The following CSMD1 variants were observed in gnomAD, a reference collection of about 807,000 sequenced individuals.
CSMD1 encodes CUB and Sushi multiple domains 1, also known as CUB and sushi domain-containing protein 1.
CSMD1 carries 213 observed loss-of-function variants against 417.5 expected under a neutral mutation model. The ratio of observed to expected loss-of-function variants is 0.51; its 90% CI spans 0.46 to 0.57. The LOEUF is 0.57. CSMD1 is among the 20% of genes least tolerant of loss of function. The probability of loss-of-function intolerance (pLI) is 0.00; values close to 1 mark genes in which losing one functional copy is unlikely to be tolerated. For missense variants in CSMD1, 6,923 were observed against 4,529.7 expected, an observed-to-expected ratio of 1.53 and a Z score of -15.17; for synonymous variants, 2,862 against 1,736.8, an observed-to-expected ratio of 1.65 and a Z score of -16.11.
intron 1 of CSMD1, among the ~76,000 whole-genome samples, chr8:4,783,802 A>C (rs1797273028): frequency 6.6e-6 from 1 of 152,206 alleles, no homozygotes; most frequent in Non-Finnish European, 1.5e-5. Flanking sequence ...AGGCTTTGAC[A>C]CAAGGCATCA....
At chr8:3,934,265 G>C (rs1004533847) in intron 5 of CSMD1, among the ~76,000 whole-genome samples, 1 of 152,074 alleles carries the variant, frequency 6.6e-6, no homozygotes, top group Admixed American at 6.6e-5. Flanking sequence ...TCATTCCGCT[G>C]TTCTTCATCA....
chr8:3,794,324 A>G (rs903012148), intron 5 of CSMD1, among the ~76,000 whole-genome samples: 2 of 152,092 alleles, frequency 1.3e-5, no homozygotes, highest in Admixed American at 6.6e-5. Context: ...GCGCCTGGTG[A>G]TTTTTAAGCT....
rs572155482 is a variant in CSMD1 at position 4,078,827 on chromosome 8, G to A, written c.416-46728C>T. The stretch of plus-strand genomic sequence containing the variant: ...AAGGCAGGTAGATTACTTGAGGTCA[G>A]GAGTTCAAGATTATGTTGGCCAACG... On this transcript the variant is annotated intron_variant, in intron 3 of 69. Coordinates refer to ENST00000635120, the MANE Select transcript of CSMD1 (RefSeq NM_033225.6). 8.9e-5 allele frequency among the ~76,000 whole-genome samples: 13 copies of A among 146,382 alleles called. No individual in the cohort carries two copies. The South Asian group carries it at 2.8e-3, about 31-fold the overall frequency.
chr8:4,416,409 C>T (rs1054281084), intron 3 of CSMD1, among the ~76,000 whole-genome samples: 4 of 151,908 alleles, frequency 2.6e-5, no homozygotes, highest in African/African-American at 9.7e-5. Flanking sequence ...TATTGAAGTC[C>T]ATGTATGATT....
intron 57 of CSMD1, 148 bp from the exon 58 acceptor site, chr8:2,966,894 T>C (rs1804008884): frequency 8.0e-6 from 5 of 624,436 alleles, no homozygotes; most frequent in Non-Finnish European, 1.4e-5. Flanking sequence ...CCTTAACATA[T>C]GGCTTACTAT....
At chr8:4,546,562 C>A (rs148822160) in intron 2 of CSMD1, among the ~76,000 whole-genome samples, 1 of 152,152 alleles carries the variant, frequency 6.6e-6, no homozygotes, top group Admixed American at 6.5e-5. Context: ...AGTACATCAG[C>A]ACTTCTGGTT....
At chr8:3,059,557 A>G (rs1406698459) in intron 49 of CSMD1, among the ~76,000 whole-genome samples, 1 of 152,146 alleles carries the variant, frequency 6.6e-6, no homozygotes, top group Non-Finnish European at 1.5e-5. Flanking sequence ...CATGTAGCTT[A>G]TAGGAGGCAC....
At chr8:4,281,120 C>T (rs1225781813) in intron 3 of CSMD1, among the ~76,000 whole-genome samples, 1 of 152,194 alleles carries the variant, frequency 6.6e-6, no homozygotes, top group East Asian at 1.9e-4. Flanking sequence ...CCTCTGCTGG[C>T]CCCTAGGTGG....
intron 5 of CSMD1, among the ~76,000 whole-genome samples, chr8:3,927,695 CAATT>C (rs1001099997): frequency 3.3e-5 from 5 of 151,926 alleles, no homozygotes; most frequent in African/African-American, 7.2e-5. Flanking sequence ...GAAAAGAAAA[CAATT>C]AATATTTTCT....
intron 23 of CSMD1, among the ~76,000 whole-genome samples, chr8:3,313,988 G>C (rs1035945259): frequency 6.6e-6 from 1 of 152,132 alleles, no homozygotes; most frequent in Non-Finnish European, 1.5e-5. Context: ...GATGAAGCTG[G>C]AAACCATCAT....
chr8:4,668,136 A>G (rs189817456), intron 1 of CSMD1, among the ~76,000 whole-genome samples: 37 of 152,240 alleles, frequency 2.4e-4, no homozygotes, highest in South Asian at 4.1e-4. Context: ...ATCAAACTCA[A>G]TGAGTTTTCT....
intron 3 of CSMD1, among the ~76,000 whole-genome samples, chr8:4,108,059 G>A (rs112107415): frequency 0.047 from 42 of 892 alleles, no homozygotes; most frequent in East Asian, 0.34. Context: ...CAGAGACAGA[G>A]ACAGAGACAG....
chr8:4,570,312 C>T (rs571124766), intron 2 of CSMD1, among the ~76,000 whole-genome samples: 1 of 152,164 alleles, frequency 6.6e-6, no homozygotes, highest in South Asian at 2.1e-4. Flanking sequence ...ACATATGTTC[C>T]GTCAATACCT....
At chr8:4,188,888 T>C (rs916548298) in intron 3 of CSMD1, among the ~76,000 whole-genome samples, 2 of 152,052 alleles carry the variant, frequency 1.3e-5, no homozygotes, top group Non-Finnish European at 2.9e-5. Context: ...TGGATCTGCC[T>C]GATGAAACAC....
intron 21 of CSMD1, among the ~76,000 whole-genome samples, chr8:3,348,507 A>T (rs538899904): frequency 5.7e-4 from 87 of 152,016 alleles, no homozygotes; most frequent in African/African-American, 2.0e-3. Flanking sequence ...TCTCCCACCC[A>T]CCTCATTCCT....
intron 33 of CSMD1, among the ~76,000 whole-genome samples, chr8:3,193,083 G>T (rs1796513141): frequency 6.6e-6 from 1 of 152,076 alleles, no homozygotes; most frequent in Non-Finnish European, 1.5e-5. Context: ...TATCTAAGAG[G>T]CTTCAGGTAT....
chr8:4,548,932 C>T (rs1797747217), intron 2 of CSMD1, among the ~76,000 whole-genome samples: 1 of 152,070 alleles, frequency 6.6e-6, no homozygotes, highest in Non-Finnish European at 1.5e-5. Flanking sequence ...CTCTTACCTC[C>T]ATATTTGATC....
chr8:4,187,192 G>T (rs575919340), intron 3 of CSMD1, among the ~76,000 whole-genome samples: 1 of 152,076 alleles, frequency 6.6e-6, no homozygotes, highest in South Asian at 2.1e-4. Flanking sequence ...AACAATCTGG[G>T]ACATTGTTGG....
chr8:4,918,010 C>T (rs1234605171), intron 1 of CSMD1, among the ~76,000 whole-genome samples: 1 of 152,098 alleles, frequency 6.6e-6, no homozygotes, highest in African/African-American at 2.4e-5. Context: ...GCTGAAATGA[C>T]AGAAAAATCA....
Sources: allele counts gnomAD v4.1 joint callset (sites outside exome capture counted in the v4.1 genomes callset), GRCh38; gene constraint gnomAD v4.1.1; transcripts MANE v1.5; gene names NCBI Gene and HGNC (gene_info 2026-07-23, HGNC 2026-07-21).